ADCY8: variants seen among roughly 807,000 people sequenced by gnomAD.
ADCY8 encodes the protein adenylate cyclase type 8.
Under a neutral mutation model 119.7 loss-of-function variants are expected in ADCY8, and 51 were observed. The ratio of observed to expected loss-of-function variants is 0.43; its 90% confidence interval spans 0.34 to 0.54. ADCY8 has a LOEUF of 0.54. Ranked by LOEUF, ADCY8 falls within the 20% of genes least tolerant of loss-of-function variation. ADCY8 has a pLI of 0.03. For synonymous variants in ADCY8, 665 were observed against 651.0 expected, an observed-to-expected ratio of 1.02 and a Z score of -0.33; for missense variants, 1,383 against 1,598.8, an observed-to-expected ratio of 0.87 and a Z score of 2.30.
chr8:130,978,814 T>C (rs1412072728), intron 2 of ADCY8, among the ~76,000 whole-genome samples: 1 of 152,198 alleles, frequency 6.6e-6, no homozygotes, highest in Non-Finnish European at 1.5e-5. Context: ...TAGATTTTGA[T>C]AAGATGTATT....
At chr8:130,943,497 G>GGGGGCCCCCCC in intron 3 of ADCY8, 35 bp from the exon 4 acceptor site, 1 of 491,356 alleles carries the variant, frequency 2.0e-6, no homozygotes, top group Non-Finnish European at 4.2e-6. Flanking sequence ...GTGGGGGGAG[G>GGGGGCCCCCCC]AAGTATATTA....
chr8:130,921,938 G>A (rs1209366150), intron 5 of ADCY8, among the ~76,000 whole-genome samples: 4 of 152,118 alleles, frequency 2.6e-5, no homozygotes, highest in Non-Finnish European at 5.9e-5. Context: ...TAAGGGATCT[G>A]CCCTTATGAA....
intron 1 of ADCY8, among the ~76,000 whole-genome samples, chr8:131,027,468 G>C (rs1224664989): frequency 6.6e-6 from 1 of 152,238 alleles, no homozygotes; most frequent in African/African-American, 2.4e-5. Flanking sequence ...CCACTGGGGA[G>C]TGTTGGGGTG....
intron 17 of ADCY8, among the ~76,000 whole-genome samples, chr8:130,781,511 G>A (rs904380145): frequency 1.3e-5 from 2 of 152,178 alleles, no homozygotes; most frequent in Admixed American, 1.3e-4. Context: ...TCACTTACAG[G>A]ATAAAGCCAA....
At chr8:130,961,385 C>T (rs1025347336) in intron 2 of ADCY8, among the ~76,000 whole-genome samples, 2 of 152,002 alleles carry the variant, frequency 1.3e-5, no homozygotes, top group Non-Finnish European at 2.9e-5. Context: ...GCTGGAATTA[C>T]AGGTGTGAGC....
chr8:130,936,959 A>G (rs1429228530), intron 5 of ADCY8, 114 bp downstream of exon 5: 3 of 1,301,690 alleles, frequency 2.3e-6, no homozygotes, highest in Non-Finnish European at 3.1e-6. Flanking sequence ...TTGTGAAATA[A>G]GTCAAAAGGT....
At chr8:130,862,558 G>A (rs1296412942) in intron 9 of ADCY8, among the ~76,000 whole-genome samples, 1 of 152,064 alleles carries the variant, frequency 6.6e-6, no homozygotes, top group Non-Finnish European at 1.5e-5. Context: ...GACTACAGAC[G>A]CCGGCCACCA....
At position 130,789,218 on chromosome 8, in the gene ADCY8, C is replaced by A. The variant is rs1280403813; in HGVS notation, c.3061-3743G>T. Among the ~76,000 whole-genome samples the A allele has an allele frequency of 5.3e-5, 8 of 152,042 alleles. No homozygotes were observed. In the South Asian group the frequency reaches 1.7e-3, roughly 32 times the overall value. On this transcript the variant is annotated intron_variant, in intron 15 of 17. Transcript: ENST00000286355. ...ACCTGTTAAAATAATTACATAAAAC[C>A]AAATATATGCTATTAAGAGTAAAGA...
intron 11 of ADCY8, among the ~76,000 whole-genome samples, chr8:130,846,200 C>T (rs892361861): frequency 3.3e-5 from 5 of 152,046 alleles, no homozygotes; most frequent in African/African-American, 1.2e-4. Context: ...AGAATCTACC[C>T]AGAGTCCTAG....
At chr8:130,850,317 T>G (rs956890228) in intron 9 of ADCY8, among the ~76,000 whole-genome samples, 4 of 152,176 alleles carry the variant, frequency 2.6e-5, no homozygotes, top group Admixed American at 1.3e-4. Flanking sequence ...GAACTCATCC[T>G]TGTCCAAGGC....
intron 2 of ADCY8, among the ~76,000 whole-genome samples, chr8:130,982,632 A>G (rs1822273119): frequency 6.6e-6 from 1 of 152,210 alleles, no homozygotes; most frequent in Non-Finnish European, 1.5e-5. Context: ...AAATGGGACA[A>G]GCATCTAGGT....
chr8:130,949,259 C>T (rs1454959381), intron 3 of ADCY8, among the ~76,000 whole-genome samples: 1 of 152,068 alleles, frequency 6.6e-6, no homozygotes, highest in East Asian at 1.9e-4. Context: ...CTGTTTATTG[C>T]ACTTAAGGCA....
At chr8:130,869,302 C>T (rs1818239760) in intron 8 of ADCY8, among the ~76,000 whole-genome samples, 1 of 152,002 alleles carries the variant, frequency 6.6e-6, no homozygotes, top group South Asian at 2.1e-4. Context: ...ACAGAAAGCC[C>T]ATATTATTAA....
chr8:130,890,878 G>A (rs773825708), intron 7 of ADCY8, among the ~76,000 whole-genome samples: 3 of 152,270 alleles, frequency 2.0e-5, no homozygotes, highest in Middle Eastern at 3.4e-3. Flanking sequence ...AGGCAGATGT[G>A]GTAGTCTTTA....
intron 2 of ADCY8, among the ~76,000 whole-genome samples, chr8:130,960,343 T>C (rs746713185): frequency 1.3e-5 from 2 of 152,188 alleles, no homozygotes; most frequent in Non-Finnish European, 2.9e-5. Flanking sequence ...CTTCTGTCCA[T>C]GTAGACATCA....
intron 1 of ADCY8, among the ~76,000 whole-genome samples, chr8:131,039,015 T>C (rs1347279921): frequency 6.6e-6 from 1 of 152,160 alleles, no homozygotes; most frequent in East Asian, 1.9e-4. Context: ...AAGGAATGGG[T>C]CACCTTCTAA....
chr8:130,781,951 G>C (rs1815093296), intron 17 of ADCY8, among the ~76,000 whole-genome samples: 1 of 152,098 alleles, frequency 6.6e-6, no homozygotes, highest in Non-Finnish European at 1.5e-5. Flanking sequence ...TACAGCCCTG[G>C]TCCCCATGGA....
chr8:131,039,407 G>A lies in ADCY8; in HGVS notation c.927C>T (p.Val309=). 1 of 1,614,060 alleles carries A rather than the reference G, an allele frequency of 6.2e-7. No individual in the cohort carries two copies. Among genetic ancestry groups the A allele is most frequent in the Non-Finnish European group, 8.5e-7 (1 of 1,179,982 alleles). The change falls in exon 1 of 18, where the codon GTC becomes GTT. Residue 309 remains valine (V), a synonymous_variant. Transcript: ENST00000286355. ...TGGAAATGACCGCCAGCCGGGGTAT[G>A]ACCACTTGGAGGATGACCTGCAGCA... The part of the protein sequence containing the change: ...TSLLQVILQV[V]IPRLAVISIN...
intron 7 of ADCY8, chr8:130,892,104 A>T (rs971793530): frequency 6.6e-6 from 1 of 152,146 alleles, no homozygotes; most frequent in Non-Finnish European, 1.5e-5. Context: ...AATAATTTTC[A>T]TAATAGTCTC....
Sources: gnomAD v4.1 joint callset for allele counts (sites outside exome capture counted in the v4.1 genomes callset) on GRCh38, gnomAD v4.1.1 for gene constraint, MANE v1.5 for transcripts, NCBI Gene and HGNC (gene_info 2026-07-23, HGNC 2026-07-21) for gene names.